The following DNAH14 variants were observed in gnomAD, a reference collection of about 807,000 sequenced individuals.
DNAH14 encodes the protein axonemal beta dynein heavy chain 14.
A neutral mutation model predicts 520.9 loss-of-function variants in DNAH14; 478 were observed. That is an observed-to-expected ratio of 0.92 (90% confidence interval 0.85 to 0.99). DNAH14 has a LOEUF of 0.99. Ranked by LOEUF, DNAH14 falls within the 50% of genes least tolerant of loss-of-function variation. The pLI, the probability that DNAH14 is intolerant of heterozygous loss-of-function variation, is 0.00. For synonymous variants in DNAH14, 1,581 were observed against 1,757.2 expected (o/e 0.90, Z 2.51); for missense variants, 4,831 against 5,234.5 (o/e 0.92, Z 2.38).
chr1:225,313,087 G>A (rs2094400882), intron 60 of DNAH14, among the ~76,000 whole-genome samples: 1 of 152,124 alleles, frequency 6.6e-6, no homozygotes, highest in Admixed American at 6.5e-5. Flanking sequence ...TGTTTTTTCA[G>A]TTGGTAGGCT....
Position 225,377,367 on chromosome 1 carries a change from A to AG in DNAH14, c.12650dup (p.Glu4218ArgfsTer5). 6.4e-7 allele frequency: 1 copy of AG among 1,551,254 alleles called. No individual in the cohort carries two copies. Among genetic ancestry groups the AG allele is most frequent in the Non-Finnish European group, 8.7e-7 (1 of 1,146,782 alleles). ...GCCATCAGGAGCTGCTGGGAGACCC[A>AG]GGGCGAAAAGTTTATTGAAAATCTG... On this transcript the variant is annotated frameshift_variant, in exon 79 of 86. Coordinates refer to ENST00000682510, the MANE Select transcript of DNAH14 (RefSeq NM_001367479.1). LOFTEE classifies it high-confidence loss of function.
At chr1:225,080,270 C>A in intron 18 of DNAH14, 109 bp from the exon 19 acceptor site, 3 of 1,104,006 alleles carry the variant, frequency 2.7e-6, no homozygotes, top group Non-Finnish European at 3.7e-6. Flanking sequence ...GTTTCACTCA[C>A]TTATCAGGTA....
At chr1:225,159,602 T>C (rs2081346946) in intron 35 of DNAH14, 117 bp downstream of exon 35, 1 of 1,123,120 alleles carries the variant, frequency 8.9e-7, no homozygotes, top group South Asian at 1.8e-5. Context: ...ATGTTATAAT[T>C]GAGGGGATAA....
At chr1:225,039,096 G>A (rs2067219724) in intron 12 of DNAH14, among the ~76,000 whole-genome samples, 1 of 152,048 alleles carries the variant, frequency 6.6e-6, no homozygotes, top group African/African-American at 2.4e-5. Flanking sequence ...AACAGCAGTG[G>A]GCATACCAAA....
intron 28 of DNAH14, among the ~76,000 whole-genome samples, chr1:225,141,436 G>A (rs2079453511): frequency 7.0e-6 from 1 of 143,160 alleles, no homozygotes; most frequent in Non-Finnish European, 1.5e-5. Context: ...TAGAGGGTCT[G>A]GAACTATATG....
At chr1:225,172,409 G>T (rs1427827501) in intron 36 of DNAH14, among the ~76,000 whole-genome samples, 1 of 152,114 alleles carries the variant, frequency 6.6e-6, no homozygotes, top group Non-Finnish European at 1.5e-5. Flanking sequence ...AGCAAATTCA[G>T]CAAAGTCTCA....
intron 42 of DNAH14, among the ~76,000 whole-genome samples, chr1:225,235,019 A>G (rs2149592899): frequency 6.6e-6 from 1 of 152,294 alleles, no homozygotes; most frequent in South Asian, 2.1e-4. Flanking sequence ...TTCTCTTCCT[A>G]TATGAATACA....
chr1:225,339,767 AT>A (rs752150140), intron 68 of DNAH14, among the ~76,000 whole-genome samples: 32 of 152,022 alleles, frequency 2.1e-4, no homozygotes, highest in Non-Finnish European at 3.7e-4. Context: ...TTAAGCTTCA[AT>A]TTCACCCTTC....
chr1:225,155,538 G>A (rs2080945370), intron 34 of DNAH14, among the ~76,000 whole-genome samples: 2 of 152,124 alleles, frequency 1.3e-5, no homozygotes, highest in South Asian at 4.1e-4. Flanking sequence ...TGAAACCCAA[G>A]TATAGCTCCC....
In DNAH14 at chr1:225,118,149, A is replaced by C. The variant is rs185529308; in HGVS notation, c.4091+150A>C. ...TACGTAAATATACTTTTGCCTTTCCATATTCCCTACAATACATAATCTCAC... is the reference window on the plus strand; with the variant it reads ...TACGTAAATATACTTTTGCCTTTCCCTATTCCCTACAATACATAATCTCAC... On this transcript the variant is annotated intron_variant, in intron 25 of 85. Coordinates refer to ENST00000682510, the MANE Select transcript of DNAH14 (RefSeq NM_001367479.1). The C allele has an allele frequency of 5.5e-6, 4 of 723,516 alleles. No individual in the cohort carries two copies. In the East Asian group the frequency reaches 1.1e-4, roughly 19 times the overall value. The allele number at this position is 723,516 out of a possible 1,614,324, so 44.8% of individuals were successfully genotyped here. A position where few individuals can be genotyped will look rare whatever the true frequency, so the allele number is the denominator to read the frequency against.
In DNAH14 at chr1:225,244,737, T is replaced by A. The variant is rs146807911; in HGVS notation, c.6748+3915T>A. On this transcript the variant is annotated intron_variant, in intron 43 of 85. Transcript: ENST00000682510. ...TTTTATTGTATCTATTTGATTCATC[T>A]ATTGTCTTCTTTATTAGTCTGGCTA... 4.1e-4 allele frequency among the ~76,000 whole-genome samples: 62 copies of A among 152,322 alleles called. No homozygotes were observed. In the East Asian group the frequency reaches 0.011, roughly 27 times the overall value.
chr1:225,137,595 A>G (rs576438244), intron 27 of DNAH14, among the ~76,000 whole-genome samples: 4 of 152,202 alleles, frequency 2.6e-5, no homozygotes, highest in Admixed American at 2.6e-4. Flanking sequence ...ACCTCAGGTG[A>G]TCCACCCACC....
At chr1:225,365,695 C>T (rs889765708) in intron 76 of DNAH14, among the ~76,000 whole-genome samples, 4 of 151,828 alleles carry the variant, frequency 2.6e-5, no homozygotes, top group Non-Finnish European at 5.9e-5. Flanking sequence ...GTCTGAGACT[C>T]GAAAGATTCC....
At chr1:225,105,646 T>C (rs917847213) in intron 23 of DNAH14, among the ~76,000 whole-genome samples, 2 of 152,208 alleles carry the variant, frequency 1.3e-5, no homozygotes, top group African/African-American at 4.8e-5. Context: ...TGTAATGGCC[T>C]TCTTTGTCTC....
At chr1:225,250,647 G>A in intron 43 of DNAH14, 1 of 536,188 alleles carries the variant, frequency 1.9e-6, no homozygotes, top group Non-Finnish European at 3.5e-6. Flanking sequence ...GACACATTGG[G>A]CCACTCAGGA....
intron 62 of DNAH14, 133 bp downstream of exon 62, chr1:225,322,956 G>A: frequency 1.0e-6 from 1 of 1,001,934 alleles, no homozygotes; most frequent in Non-Finnish European, 1.4e-6. Flanking sequence ...ATTCTTCCAG[G>A]CAAGAGAGGA....
intron 22 of DNAH14, among the ~76,000 whole-genome samples, chr1:225,100,247 T>C (rs989451482): frequency 6.6e-6 from 1 of 152,174 alleles, no homozygotes; most frequent in Non-Finnish European, 1.5e-5. Flanking sequence ...AGTGTTTTTA[T>C]ACATACCTCT....
intron 81 of DNAH14, among the ~76,000 whole-genome samples, chr1:225,386,759 T>C (rs2095846157): frequency 6.6e-6 from 1 of 152,156 alleles, no homozygotes; most frequent in African/African-American, 2.4e-5. Context: ...TGTGGAGAAA[T>C]AGGAACGCTT....
At chr1:225,199,574 A>C (rs2086562143) in intron 38 of DNAH14, among the ~76,000 whole-genome samples, 1 of 152,104 alleles carries the variant, frequency 6.6e-6, no homozygotes, top group African/African-American at 2.4e-5. Flanking sequence ...TTAAATTTCC[A>C]TCTTGATTTC....
Sources: gnomAD v4.1 joint callset for allele counts (sites outside exome capture counted in the v4.1 genomes callset) on GRCh38, gnomAD v4.1.1 for gene constraint, MANE v1.5 for transcripts, NCBI Gene and HGNC (gene_info 2026-07-23, HGNC 2026-07-21) for gene names.